ERI3: variants seen among roughly 807,000 people sequenced by gnomAD.
ERI3 encodes the protein ERI1 exoribonuclease family member 3.
Under a neutral mutation model 44.4 loss-of-function variants are expected in ERI3, and 18 were observed. That is an observed-to-expected ratio of 0.41 (90% CI 0.28 to 0.60). The LOEUF is 0.60. Among genes scored for constraint, ERI3 ranks in the 20% least tolerant of loss-of-function variants. ERI3 has a pLI of 0.36. For missense variants in ERI3, 294 were observed against 435.5 expected (o/e 0.68, Z 2.89); for synonymous variants, 183 against 164.8 (o/e 1.11, Z -0.84).
chr1:44,308,246 A>G (rs538576374), intron 6 of ERI3, 64 bp downstream of exon 6: 88 of 1,219,314 alleles, frequency 7.2e-5, no homozygotes, highest in Non-Finnish European at 1.0e-4. Flanking sequence ...TAAGCCTCCA[A>G]AAGGCCAGAC....
rs1009753427 is a variant in ERI3 at position 44,221,596 on chromosome 1, G to A, written c.976C>T (p.Arg326Ter). The A allele has an allele frequency of 6.2e-7, 1 of 1,614,024 alleles. No homozygotes were observed. The highest frequency in any genetic ancestry group is 1.3e-5 in the African/African-American group (1 of 74,902). Residue 326 changes from arginine (R) to a stop codon, truncating the protein, a stop_gained, in exon 9 of 9, where the codon CGA becomes TGA. Transcript: ENST00000372257. LOFTEE classifies it high-confidence loss of function. This position sits in a 1 kb window ranked among gnomAD's most constrained non-coding sequence, Gnocchi z 5.9. ...GATGTCTGCTTGAAGATGAAGCCTC[G>A]ATAGGCGAGTGTCTTCATGATGTTG... ...IANIMKTLAYRGFIFKQTSKP... is the reference protein window; with the variant it reads ...IANIMKTLAY
At chr1:44,223,052 A>T (rs938652137) in intron 8 of ERI3, among the ~76,000 whole-genome samples, 1 of 152,176 alleles carries the variant, frequency 6.6e-6, no homozygotes, top group Non-Finnish European at 1.5e-5. Flanking sequence ...GGCAAGTCAG[A>T]CAGGGTCCTG....
intron 1 of ERI3, 108 bp downstream of exon 1, chr1:44,354,784 A>C: frequency 7.8e-7 from 1 of 1,278,082 alleles, no homozygotes; most frequent in Non-Finnish European, 1.0e-6. Context: ...ATCCAGGGTA[A>C]GCACATGGGC....
chr1:44,285,260 G>A (rs954928508), intron 6 of ERI3, among the ~76,000 whole-genome samples: 3 of 152,182 alleles, frequency 2.0e-5, no homozygotes, highest in African/African-American at 4.8e-5. Context: ...TTTTACAGAC[G>A]AGAAAATGAG....
intron 7 of ERI3, among the ~76,000 whole-genome samples, chr1:44,248,513 T>C (rs1226047681): frequency 1.3e-5 from 2 of 152,046 alleles, no homozygotes; most frequent in African/African-American, 4.8e-5. Flanking sequence ...GACAGAAATG[T>C]TGAAGTGAGA....
chr1:44,346,680 TC>T (rs1646789770), intron 2 of ERI3, among the ~76,000 whole-genome samples: 1 of 152,106 alleles, frequency 6.6e-6, no homozygotes, highest in African/African-American at 2.4e-5. Context: ...CTTCCTATAC[TC>T]CTGGTCCCAA....
chr1:44,348,921 G>A (rs1646837259), intron 2 of ERI3, among the ~76,000 whole-genome samples: 1 of 152,166 alleles, frequency 6.6e-6, no homozygotes, highest in African/African-American at 2.4e-5. Flanking sequence ...CAAGAATGCT[G>A]ACCACCTGAC....
intron 6 of ERI3, among the ~76,000 whole-genome samples, chr1:44,298,843 A>T (rs1469759307): frequency 1.3e-5 from 2 of 152,238 alleles, no homozygotes; most frequent in Non-Finnish European, 2.9e-5. Context: ...ACTTGAGCCC[A>T]CGGAGGTAGA....
chr1:44,291,227 T>C (rs535549242), intron 6 of ERI3, among the ~76,000 whole-genome samples: 3 of 152,286 alleles, frequency 2.0e-5, no homozygotes, highest in East Asian at 1.9e-4. Context: ...AGACTCATAA[T>C]TGAATTCACT....
At chr1:44,344,413 G>A (rs1007624283) in intron 2 of ERI3, among the ~76,000 whole-genome samples, 12 of 152,064 alleles carry the variant, frequency 7.9e-5, no homozygotes, top group Non-Finnish European at 1.8e-4. Context: ...TGGTAGAGAG[G>A]CTCAAAGCAT....
intron 7 of ERI3, among the ~76,000 whole-genome samples, chr1:44,270,911 C>T (rs1645076408): frequency 6.6e-6 from 1 of 152,262 alleles, no homozygotes; most frequent in African/African-American, 2.4e-5. Context: ...GCTCATCTAA[C>T]ACAGAGTGCC....
At position 44,241,983 on chromosome 1, in the gene ERI3, A is replaced by G; in HGVS notation, c.931+5956T>C. 1.0e-6 allele frequency: 1 copy of G among 985,694 alleles called. No homozygotes were observed. The highest frequency in any genetic ancestry group is 1.2e-6 in the Non-Finnish European group (1 of 830,064). 61.1% of individuals were successfully genotyped at this position (985,694 alleles called of 1,614,324 possible). A position where few individuals can be genotyped will look rare whatever the true frequency, so the allele number is the denominator to read the frequency against. ...ACAGTCTGGTGTCTGGCAAGAACCA[A>G]TTCCTCAGATGTCTCTGGGGCTCCA... On this transcript the variant is annotated intron_variant, in intron 8 of 8. Coordinates refer to ENST00000372257, the MANE Select transcript of ERI3 (RefSeq NM_024066.3). The surrounding 1 kb of genome is among the most constrained non-coding windows in gnomAD (Gnocchi z 5.6).
intron 3 of ERI3, among the ~76,000 whole-genome samples, chr1:44,320,014 C>T (rs2074536): frequency 0.3 from 45,293 of 152,042 alleles, 7,711 homozygotes; most frequent in East Asian, 0.5. Context: ...ACAGTGGTAT[C>T]ATCTGCCCCA....
At chr1:44,268,464 G>A (rs1364729336) in intron 7 of ERI3, among the ~76,000 whole-genome samples, 2 of 152,180 alleles carry the variant, frequency 1.3e-5, no homozygotes, top group Non-Finnish European at 2.9e-5. Flanking sequence ...AGAAATTAAA[G>A]AGAACTGAAA....
At chr1:44,250,233 A>T (rs1175725544) in intron 7 of ERI3, among the ~76,000 whole-genome samples, 6 of 152,240 alleles carry the variant, frequency 3.9e-5, no homozygotes, top group Non-Finnish European at 1.5e-5. Context: ...TCCCAGCTTA[A>T]AGCGACGGGC....
intron 7 of ERI3, among the ~76,000 whole-genome samples, chr1:44,278,926 A>T (rs1215038918): frequency 6.6e-6 from 1 of 152,230 alleles, no homozygotes; most frequent in African/African-American, 2.4e-5. Context: ...ATTTAAATTG[A>T]TTAAAATTAA....
At chr1:44,225,087 G>C (rs1424544046) in intron 8 of ERI3, among the ~76,000 whole-genome samples, 7 of 152,106 alleles carry the variant, frequency 4.6e-5, no homozygotes. Context: ...CAGTCTCTTG[G>C]AAAGTTTTCT....
chr1:44,281,601 A>AAAAAAAATAT (rs1460400186), intron 7 of ERI3, among the ~76,000 whole-genome samples: 8 of 128,052 alleles, frequency 6.2e-5, no homozygotes, highest in African/African-American at 2.0e-4. Flanking sequence ...AAAAAAAAAA[A>AAAAAAAATAT]ATATATATAT....
chr1:44,354,222 G>A (rs2154332746), intron 1 of ERI3: 3 of 985,414 alleles, frequency 3.0e-6, no homozygotes, highest in Middle Eastern at 5.2e-4. Flanking sequence ...CTGGGAGACT[G>A]ATTAAATGTC....
Sources: allele counts gnomAD v4.1 joint callset (sites outside exome capture counted in the v4.1 genomes callset), GRCh38; gene constraint gnomAD v4.1.1; non-coding constraint Gnocchi (gnomAD v3.1); transcripts MANE v1.5; gene names NCBI Gene and HGNC (gene_info 2026-07-23, HGNC 2026-07-21).